ANKRD30BL: variants seen among roughly 807,000 people sequenced by gnomAD.
ANKRD30BL encodes the protein putative ankyrin repeat domain-containing protein 30B-like.
Under a neutral mutation model 18.4 loss-of-function variants are expected in ANKRD30BL, and 20 were observed. That is an observed-to-expected ratio of 1.09 (90% CI 0.77 to 1.58). The LOEUF (loss-of-function observed/expected upper bound fraction) is 1.58. Among genes scored for constraint, ANKRD30BL ranks in the 40% most tolerant of loss-of-function variants. ANKRD30BL has a pLI of 0.00. For missense variants in ANKRD30BL, 224 were observed against 268.6 expected, an observed-to-expected ratio of 0.83 and a Z score of 1.16; for synonymous variants, 72 against 100.9, an observed-to-expected ratio of 0.71 and a Z score of 1.72.
intron 1 of ANKRD30BL, among the ~76,000 whole-genome samples, chr2:132,197,794 G>A (rs1361568806): frequency 6.6e-6 from 1 of 151,856 alleles, no homozygotes; most frequent in African/African-American, 2.4e-5. Context: ...GAAAGGAACA[G>A]TGTTGGATAT....
At chr2:132,154,232 T>C (rs1022772570) in intron 4 of ANKRD30BL, among the ~76,000 whole-genome samples, 12 of 152,306 alleles carry the variant, frequency 7.9e-5, no homozygotes, top group Non-Finnish European at 5.9e-5. Flanking sequence ...CTCAAAGTGC[T>C]GAGATAACAG....
intron 1 of ANKRD30BL, among the ~76,000 whole-genome samples, chr2:132,176,809 C>T (rs1227868141): frequency 1.3e-5 from 2 of 151,920 alleles, no homozygotes; most frequent in Non-Finnish European, 2.9e-5. Flanking sequence ...AATGCAGCAG[C>T]GTATTATGCT....
At chr2:132,219,795 C>T (rs1679618299) in intron 1 of ANKRD30BL, among the ~76,000 whole-genome samples, 1 of 152,024 alleles carries the variant, frequency 6.6e-6, no homozygotes, top group African/African-American at 2.4e-5. Flanking sequence ...ATTTGAAGCG[C>T]TTTGAGGACT....
intron 1 of ANKRD30BL, among the ~76,000 whole-genome samples, chr2:132,212,274 G>C (rs545238322): frequency 7.4e-4 from 112 of 151,666 alleles, no homozygotes; most frequent in African/African-American, 2.6e-3. Context: ...AGAGCTTTGA[G>C]GCCTAAGGCA....
At chr2:132,197,503 G>GT (rs1678992253) in intron 1 of ANKRD30BL, among the ~76,000 whole-genome samples, 1 of 151,104 alleles carries the variant, frequency 6.6e-6, no homozygotes, top group Admixed American at 6.6e-5. Context: ...CTTCCATTAG[G>GT]TATGTTTTTT....
chr2:132,174,759 C>A (rs1469066118), intron 1 of ANKRD30BL, among the ~76,000 whole-genome samples: 1 of 152,082 alleles, frequency 6.6e-6, no homozygotes, highest in Non-Finnish European at 1.5e-5. Context: ...TGATTATATG[C>A]CATTGTCAAT....
chr2:132,165,654 G>A (rs1688176297), upstream of ANKRD30BL, among the ~76,000 whole-genome samples: 2 of 151,868 alleles, frequency 1.3e-5, no homozygotes, highest in African/African-American at 4.8e-5. Flanking sequence ...CCCAGGAGGT[G>A]GAGGTTGCAG....
intron 1 of ANKRD30BL, among the ~76,000 whole-genome samples, chr2:132,202,252 T>C (rs1350980985): frequency 6.6e-6 from 1 of 152,094 alleles, no homozygotes; most frequent in African/African-American, 2.4e-5. Context: ...GTAACTAACC[T>C]GCACATTGTG....
intron 1 of ANKRD30BL, among the ~76,000 whole-genome samples, chr2:132,223,468 C>T (rs999328894): frequency 5.9e-5 from 9 of 151,866 alleles, no homozygotes; most frequent in Non-Finnish European, 1.0e-4. Context: ...AGAAACTAGA[C>T]AGAAGGATTC....
In ANKRD30BL at chr2:132,247,967, T is replaced by C. The variant is rs539132221; in HGVS notation, n.441+9562A>G. ...CCTTAGTCCTCAAAGGGCTGACAAA[T>C]ATCCCTTTACAGATTCTACAATAAG... is the stretch of plus-strand genomic sequence containing the variant. On this transcript the variant is annotated intron_variant and non_coding_transcript_variant, in intron 1 of 4. Coordinates refer to the ANKRD30BL transcript ENST00000470729. Among the ~76,000 whole-genome samples, 221 of 152,160 alleles carry C rather than the reference T, an allele frequency of 1.5e-3. 8 individuals carry two copies. The East Asian group carries it at 0.039, about 27-fold the overall frequency.
intron 1 of ANKRD30BL, among the ~76,000 whole-genome samples, chr2:132,221,660 G>T (rs1344980680): frequency 8.2e-6 from 1 of 122,062 alleles, no homozygotes; most frequent in Non-Finnish European, 1.6e-5. Flanking sequence ...TCAGCCCCCC[G>T]CCCGGCCAGC....
At chr2:132,201,431 A>G (rs1224066978) in intron 1 of ANKRD30BL, among the ~76,000 whole-genome samples, 4 of 152,312 alleles carry the variant, frequency 2.6e-5, no homozygotes, top group Admixed American at 2.6e-4. Context: ...TCTACAATGA[A>G]CTCAAACAAA....
chr2:132,211,690 G>A (rs1279374998), intron 1 of ANKRD30BL, among the ~76,000 whole-genome samples: 4 of 151,818 alleles, frequency 2.6e-5, no homozygotes, highest in Non-Finnish European at 4.4e-5. Context: ...GAATCTGCAA[G>A]TGGACATTTG....
intron 1 of ANKRD30BL, among the ~76,000 whole-genome samples, chr2:132,176,314 G>C (rs546482275): frequency 6.6e-6 from 1 of 151,868 alleles, no homozygotes; most frequent in African/African-American, 2.4e-5. Flanking sequence ...TAGATCAGGA[G>C]GTCAGGAGTT....
chr2:132,192,443 G>GAATT (rs1290276150), intron 1 of ANKRD30BL, among the ~76,000 whole-genome samples: 3 of 152,202 alleles, frequency 2.0e-5, no homozygotes, highest in Non-Finnish European at 4.4e-5. Flanking sequence ...CCATAGCAGA[G>GAATT]AATTATATGT....
intron 1 of ANKRD30BL, among the ~76,000 whole-genome samples, chr2:132,248,342 C>G (rs138457577): frequency 6.6e-6 from 1 of 152,136 alleles, no homozygotes; most frequent in Non-Finnish European, 1.5e-5. Flanking sequence ...AAGAGAGTTT[C>G]TAAACTGCTC....
intron 1 of ANKRD30BL, among the ~76,000 whole-genome samples, chr2:132,168,928 A>G (rs986948456): frequency 6.6e-6 from 1 of 151,124 alleles, no homozygotes; most frequent in Non-Finnish European, 1.5e-5. Context: ...CAGCATAATT[A>G]ATTATGAAAG....
intron 1 of ANKRD30BL, among the ~76,000 whole-genome samples, chr2:132,244,532 A>G (rs143450748): frequency 6.6e-6 from 1 of 152,290 alleles, no homozygotes; most frequent in Non-Finnish European, 1.5e-5. Flanking sequence ...GTTTTTGTAG[A>G]ATCTGTAAAT....
chr2:132,186,215 C>T (rs972249822), intron 1 of ANKRD30BL, among the ~76,000 whole-genome samples: 2 of 151,510 alleles, frequency 1.3e-5, no homozygotes, highest in African/African-American at 4.8e-5. Context: ...TATCTCAAAA[C>T]ATAAAAGGTA....
Sources: gnomAD v4.1 joint callset for allele counts (sites outside exome capture counted in the v4.1 genomes callset) on GRCh38, gnomAD v4.1.1 for gene constraint, MANE v1.5 for transcripts, NCBI Gene and HGNC (gene_info 2026-07-23, HGNC 2026-07-21) for gene names.